Variants in STAT5B observed in about 807,000 individuals in gnomAD.
STAT5B encodes the protein transcription factor STAT5B.
A neutral mutation model predicts 107.8 loss-of-function variants in STAT5B; 21 were observed. That is an observed-to-expected ratio of 0.19 (90% CI 0.14 to 0.28). The LOEUF (loss-of-function observed/expected upper bound fraction) is 0.28, where lower values mean the gene tolerates loss of function less well. Among genes scored for constraint, STAT5B ranks in the 10% least tolerant of loss-of-function variants. The pLI is 1.00. For missense variants in STAT5B, 565 were observed against 1,008.2 expected (o/e 0.56, Z 5.95); for synonymous variants, 325 against 401.7 (o/e 0.81, Z 2.28).
intron 2 of STAT5B, among the ~76,000 whole-genome samples, chr17:42,229,729 G>A (rs769339160): frequency 7.3e-5 from 11 of 151,636 alleles, no homozygotes; most frequent in Non-Finnish European, 1.0e-4. Flanking sequence ...AAATTAGCTC[G>A]GTGTGGTGGC....
intron 2 of STAT5B, among the ~76,000 whole-genome samples, chr17:42,228,609 C>CA (rs1567664258): frequency 6.6e-6 from 1 of 152,068 alleles, no homozygotes; most frequent in African/African-American, 2.4e-5. Flanking sequence ...CAACTAATTT[C>CA]AAAAAAGAGG....
intron 1 of STAT5B, among the ~76,000 whole-genome samples, chr17:42,240,846 G>A (rs564757912): frequency 4.6e-5 from 7 of 152,282 alleles, no homozygotes; most frequent in African/African-American, 1.7e-4. Context: ...TTTAAAGAGA[G>A]CAAAGAATGA....
intron 17 of STAT5B, 58 bp from the exon 18 acceptor site, chr17:42,202,505 GGGA>G: frequency 6.3e-7 from 1 of 1,588,324 alleles, no homozygotes. Context: ...AGCTGACTTG[GGGA>G]GGGGACCAAG....
chr17:42,228,602 C>T (rs2080293344), intron 2 of STAT5B, among the ~76,000 whole-genome samples: 1 of 152,152 alleles, frequency 6.6e-6, no homozygotes, highest in Admixed American at 6.5e-5. Flanking sequence ...AAGATAGCAA[C>T]TAATTTCAAA....
rs57356051 is a variant in STAT5B at position 42,207,487 on chromosome 17, G to GCACA, written c.2077+67_2077+70dup. 2.2e-3 allele frequency: 2,693 copies of GCACA among 1,198,136 alleles called. 12 individuals are homozygous for GCACA. The highest frequency in any genetic ancestry group is 0.014 in the African/African-American group (901 of 63,070). 74.2% of individuals were successfully genotyped at this position (1,198,136 alleles called of 1,614,324 possible). On this transcript the variant is annotated intron_variant, in intron 16 of 18. Transcript: ENST00000293328. The stretch of plus-strand genomic sequence containing the variant: ...CAAGAGAGATAACACACGCAGGTAT[G>GCACA]CACACACACACACACACACACACAC...
chr17:42,215,945 T>G, intron 12 of STAT5B, 69 bp downstream of exon 12: 3 of 1,528,202 alleles, frequency 2.0e-6, no homozygotes, highest in Non-Finnish European at 2.7e-6. Flanking sequence ...TTTAAAAGGA[T>G]AATACATAAA....
intron 3 of STAT5B, 151 bp downstream of exon 3, chr17:42,227,378 T>TAAA: frequency 1.3e-5 from 11 of 850,672 alleles, no homozygotes; most frequent in South Asian, 2.1e-5. Context: ...AAATAAAAAG[T>TAAA]AAAAAAAAAA....
intron 1 of STAT5B, among the ~76,000 whole-genome samples, chr17:42,261,093 G>C (rs555426909): frequency 1.8e-4 from 28 of 152,068 alleles, no homozygotes; most frequent in African/African-American, 6.7e-4. Flanking sequence ...ATTTTTAGTA[G>C]AGACAGGGTC....
intron 1 of STAT5B, chr17:42,269,740 C>G (rs2080706075): frequency 6.6e-6 from 1 of 151,786 alleles, no homozygotes; most frequent in Admixed American, 6.6e-5. Flanking sequence ...AAAGTTAAAG[C>G]ACTACGCTTT....
At chr17:42,205,087 G>C (rs2080075269) in intron 16 of STAT5B, among the ~76,000 whole-genome samples, 2 of 152,142 alleles carry the variant, frequency 1.3e-5, no homozygotes, top group Admixed American at 1.3e-4. Context: ...GAGTGCAGTG[G>C]TGTGATCTTG....
chr17:42,210,473 T>C lies in STAT5B; in HGVS notation c.1705A>G (p.Thr569Ala). ...NRENLPGRNYTFWQWFDGVME... is the reference protein window; with the variant it reads ...NRENLPGRNYAFWQWFDGVME... ...ACACCGTCAAACCATTGCCAGAAAG[T>C]GTAATTCCGTCCTGGTAAATTCTCC... is the stretch of plus-strand genomic sequence containing the variant. Residue 569 changes from threonine to alanine, a missense_variant, in exon 14 of 19, where the codon ACT becomes GCT. Physicochemically the swap from Thr to Ala is moderately conservative, Grantham distance 58 (BLOSUM62 0). Transcript: ENST00000293328. 1 of 1,614,170 alleles carries C rather than the reference T, an allele frequency of 6.2e-7. No homozygotes were observed. Among genetic ancestry groups the C allele is most frequent in the Non-Finnish European group, 8.5e-7 (1 of 1,180,034 alleles).
intron 12 of STAT5B, chr17:42,214,151 TAAAAAAAAA>T (rs943535715): frequency 7.1e-6 from 5 of 705,708 alleles, no homozygotes; most frequent in African/African-American, 2.0e-5. Context: ...TCAAAAAAAT[TAAAAAAAAA>T]AAAATAGCAT....
chr17:42,281,541 C>T (rs1186760239), upstream of STAT5B, among the ~76,000 whole-genome samples: 1 of 152,216 alleles, frequency 6.6e-6, no homozygotes, highest in African/African-American at 2.4e-5. Flanking sequence ...AGCATTTTCT[C>T]TCTTTCTTTC....
intron 1 of STAT5B, among the ~76,000 whole-genome samples, chr17:42,241,444 A>T (rs1425966108): frequency 1.3e-5 from 2 of 151,218 alleles, no homozygotes; most frequent in Non-Finnish European, 2.9e-5. Context: ...CTAGTACAGC[A>T]ATTTTTTTTT....
intron 1 of STAT5B, among the ~76,000 whole-genome samples, chr17:42,242,511 G>C (rs1426141673): frequency 6.6e-6 from 1 of 152,116 alleles, no homozygotes; most frequent in African/African-American, 2.4e-5. Context: ...TGTGCCTCCA[G>C]ATATGATTTG....
At chr17:42,218,666 C>G in intron 8 of STAT5B, 57 bp downstream of exon 8, 1 of 1,612,116 alleles carries the variant, frequency 6.2e-7, no homozygotes, top group Non-Finnish European at 8.5e-7. Flanking sequence ...TGCGGCTCCC[C>G]CCACGCAGGC....
At chr17:42,278,517 T>C (rs964291234), upstream of STAT5B, among the ~76,000 whole-genome samples, 17 of 146,558 alleles carry the variant, frequency 1.2e-4, no homozygotes, top group Non-Finnish European at 2.3e-4. Context: ...GGTGTGATGA[T>C]TTTTTTTTAT....
At chr17:42,231,111 GAAAT>G (rs776208242) in intron 2 of STAT5B, among the ~76,000 whole-genome samples, 3 of 151,986 alleles carry the variant, frequency 2.0e-5, no homozygotes, top group East Asian at 1.9e-4. Flanking sequence ...TAAACTATAA[GAAAT>G]AAATTATAAT....
intron 16 of STAT5B, among the ~76,000 whole-genome samples, chr17:42,204,891 G>A (rs994640900): frequency 2.0e-5 from 3 of 152,094 alleles, no homozygotes; most frequent in Non-Finnish European, 4.4e-5. Flanking sequence ...TGGAATTACA[G>A]GCATGAGCCA....
Sources: gnomAD v4.1 joint callset for allele counts (sites outside exome capture counted in the v4.1 genomes callset) on GRCh38, gnomAD v4.1.1 for gene constraint, MANE v1.5 for transcripts, NCBI Gene and HGNC (gene_info 2026-07-23, HGNC 2026-07-21) for gene names.